DPH6: variants seen among roughly 807,000 people sequenced by gnomAD.
The protein encoded by DPH6 is diphthamine biosynthesis 6.
DPH6 carries 33 observed loss-of-function variants against 38.2 expected under a neutral mutation model. The observed-to-expected ratio is 0.86, with a 90% CI of 0.65 to 1.15. The LOEUF is 1.15. Ranked by LOEUF, DPH6 falls within the 50% of genes most tolerant of loss-of-function variation. The pLI is 0.00. For synonymous variants in DPH6, 108 were observed against 103.0 expected (o/e 1.05, Z -0.30); for missense variants, 325 against 320.0 (o/e 1.02, Z -0.12).
At chr15:35,293,033 T>C (rs1036686744) in intron 3 of DPH6, among the ~76,000 whole-genome samples, 1 of 152,164 alleles carries the variant, frequency 6.6e-6, no homozygotes, top group Admixed American at 6.5e-5. Flanking sequence ...ATAATGAACA[T>C]AAGGTTCAAA....
rs1025230826 is a variant in DPH6 at position 35,451,831 on chromosome 15, A to G, written c.387-1028T>C. On this transcript the variant is annotated intron_variant, in intron 4 of 8. Coordinates refer to ENST00000256538, the MANE Select transcript of DPH6 (RefSeq NM_080650.4). ...CGAGACCATCCTGGCTAACACGGTG[A>G]AACCCCGTCTCTACTAAAAATACAA... Among the ~76,000 whole-genome samples the G allele has an allele frequency of 5.1e-4, 78 of 152,294 alleles. 1 individual carries two copies. Among genetic ancestry groups the G allele is most frequent in the Admixed American group, 2.0e-4 (3 of 15,300 alleles).
At chr15:35,283,169 CCCTCTT>C (rs1428721083) in intron 3 of DPH6, among the ~76,000 whole-genome samples, 1 of 148,166 alleles carries the variant, frequency 6.7e-6, no homozygotes, top group Non-Finnish European at 1.5e-5. Flanking sequence ...CTCCCCCTCC[CCCTCTT>C]CCTCTTCTTT....
intron 6 of DPH6, chr15:35,401,461 G>A: frequency 2.6e-6 from 2 of 773,936 alleles, no homozygotes; most frequent in Non-Finnish European, 4.8e-6. Flanking sequence ...TGGAAGTGGT[G>A]GACAGGGTTA....
At chr15:35,387,953 C>T (rs906869044) in intron 6 of DPH6, among the ~76,000 whole-genome samples, 3 of 151,958 alleles carry the variant, frequency 2.0e-5, no homozygotes, top group Non-Finnish European at 4.4e-5. Flanking sequence ...AGTTTTTGTC[C>T]ATTCAGTATG....
intron 6 of DPH6, among the ~76,000 whole-genome samples, chr15:35,405,498 C>G (rs1007629787): frequency 6.6e-6 from 1 of 151,880 alleles, no homozygotes; most frequent in African/African-American, 2.4e-5. Context: ...ATTTCTTTTT[C>G]AGATTGTTCA....
the DPH6 span, among the ~76,000 whole-genome samples, chr15:35,180,426 C>T: frequency 6.6e-6 from 1 of 150,822 alleles, no homozygotes; most frequent in Non-Finnish European, 1.5e-5. Context: ...CACACACACA[C>T]ACACACACAC....
chr15:35,538,055 G>T, intron 3 of DPH6: 1 of 339,444 alleles, frequency 2.9e-6, no homozygotes, highest in South Asian at 1.1e-4. Flanking sequence ...GATAATCCTG[G>T]ATGCCAAACT....
At chr15:35,275,685 T>A (rs569176817) in intron 3 of DPH6, among the ~76,000 whole-genome samples, 1 of 151,612 alleles carries the variant, frequency 6.6e-6, no homozygotes, top group Admixed American at 6.6e-5. Flanking sequence ...AACTTGCACA[T>A]TCTGCACATG....
At chr15:35,210,223 T>C in the DPH6 span, among the ~76,000 whole-genome samples, 249 of 152,280 alleles carry the variant, frequency 1.6e-3, no homozygotes, top group African/African-American at 5.8e-3. Flanking sequence ...AAAACACTAC[T>C]CTCTTCATTC....
chr15:35,464,157 G>C (rs1444675586), intron 3 of DPH6, among the ~76,000 whole-genome samples: 1 of 152,082 alleles, frequency 6.6e-6, no homozygotes, highest in East Asian at 1.9e-4. Flanking sequence ...ATCTGGGCGT[G>C]GTGGCACGCG....
At chr15:35,521,842 A>C in intron 3 of DPH6, 1 of 1,321,682 alleles carries the variant, frequency 7.6e-7, no homozygotes, top group Non-Finnish European at 9.6e-7. Flanking sequence ...AGGAGTATAA[A>C]AAGCAAAGTG....
rs569774321 is a variant in DPH6 at position 35,491,600 on chromosome 15, CTCGATATATATA to C, written c.313-36792_313-36781del. ...ACACACACACACACAGATTCTCTCT[CTCGATATATATA>C]TCGATATATAGATTTATGTCTATAT... On this transcript the variant is annotated intron_variant, in intron 3 of 8. Coordinates refer to ENST00000256538, the MANE Select transcript of DPH6 (RefSeq NM_080650.4). Among the ~76,000 whole-genome samples, 266 of 150,598 alleles carry C rather than the reference CTCGATATATATA, an allele frequency of 1.8e-3. 1 individual carries two copies. Among genetic ancestry groups the C allele is most frequent in the Non-Finnish European group, 3.3e-3 (225 of 67,652 alleles).
chr15:35,235,036 T>G (rs2051541686), intron 3 of DPH6, among the ~76,000 whole-genome samples: 1 of 152,244 alleles, frequency 6.6e-6, no homozygotes, highest in South Asian at 2.1e-4. Flanking sequence ...AGGTCTTCAG[T>G]CAGGCTCTAC....
Position 35,462,285 on chromosome 15 carries a change from T to C in DPH6, c.313-7465A>G, listed in dbSNP as rs535260259. On this transcript the variant is annotated intron_variant, in intron 3 of 8. Coordinates refer to ENST00000256538, the MANE Select transcript of DPH6 (RefSeq NM_080650.4). ...CAGTCTATCTCCACAAACAGAGTGA[T>C]CTTTCTAAACACAAGCCATGGCATG... Among the ~76,000 whole-genome samples, 86 of 152,324 alleles carry C rather than the reference T, an allele frequency of 5.6e-4. No individual in the cohort carries two copies. The South Asian group carries it at 0.017, about 30-fold the overall frequency.
At chr15:35,267,320 T>C (rs2140423621) in intron 3 of DPH6, among the ~76,000 whole-genome samples, 1 of 152,316 alleles carries the variant, frequency 6.6e-6, no homozygotes, top group Non-Finnish European at 1.5e-5. Context: ...CAAGGATGAA[T>C]GCTCTTTGCT....
rs552399534 is a variant in DPH6, at chr15:35,373,369, T to C, written c.750+152A>G. The C allele has an allele frequency of 1.4e-5, 8 of 573,132 alleles. No homozygotes were observed. In the South Asian group the frequency reaches 2.0e-4, roughly 15 times the overall value. 35.5% of individuals were successfully genotyped at this position (573,132 alleles called of 1,614,324 possible). A position where few individuals can be genotyped will look rare whatever the true frequency, so the allele number is the denominator to read the frequency against. On this transcript the variant is annotated intron_variant, in intron 8 of 8. Transcript: ENST00000256538. ...AAACTATAAGCATTTGTAAAATTCT[T>C]AGTTATTGACTGAGGAGCTGAAAAA...
At chr15:35,355,210 G>C (rs1694039355) in intron 3 of DPH6, among the ~76,000 whole-genome samples, 7 of 152,140 alleles carry the variant, frequency 4.6e-5, no homozygotes, top group Admixed American at 4.6e-4. Context: ...CCTGAATACA[G>C]CACACTGATG....
intron 6 of DPH6, among the ~76,000 whole-genome samples, chr15:35,409,538 A>G (rs879495394): frequency 1.3e-5 from 2 of 151,982 alleles, no homozygotes; most frequent in Non-Finnish European, 2.9e-5. Context: ...AACACACTTA[A>G]AATCTAAACT....
rs1566855189 is a variant in DPH6, at chr15:35,268,177, AAATAAAT to A, written n.201-47602_201-47596del. 2.0e-3 allele frequency among the ~76,000 whole-genome samples: 10 copies of A among 4,892 alleles called. 1 individual carries two copies. The East Asian group carries it at 0.33, about 163-fold the overall frequency. 3.2% of individuals were successfully genotyped at this position (4,892 alleles called of 152,430 possible). On this transcript the variant is annotated intron_variant and non_coding_transcript_variant, in intron 3 of 3. Transcript: ENST00000560386. ...AGAGCGAGACTCTGTCTCAAAAAAT[AAATAAAT>A]AAATAAATAAATAAATAAATAAATA...
Sources: gnomAD v4.1 joint callset for allele counts (sites outside exome capture counted in the v4.1 genomes callset) on GRCh38, gnomAD v4.1.1 for gene constraint, MANE v1.5 for transcripts, NCBI Gene and HGNC (gene_info 2026-07-23, HGNC 2026-07-21) for gene names.